NR1I2: variants seen among roughly 807,000 people sequenced by gnomAD.
NR1I2 encodes the protein orphan nuclear receptor PAR1.
Under a neutral mutation model 43.3 loss-of-function variants are expected in NR1I2, and 42 were observed. The observed-to-expected ratio is 0.97, with a 90% CI of 0.76 to 1.26. NR1I2 has a LOEUF of 1.26. NR1I2 is among the 50% of genes most tolerant of loss of function. The probability of loss-of-function intolerance (pLI) is 0.00; values close to 1 mark genes in which losing one functional copy is unlikely to be tolerated. For missense variants in NR1I2, 559 were observed against 566.7 expected (o/e 0.99, Z 0.14); for synonymous variants, 229 against 215.0 (o/e 1.06, Z -0.57).
intron 2 of NR1I2, among the ~76,000 whole-genome samples, chr3:119,809,429 G>T (rs536800799): frequency 6.6e-6 from 1 of 151,926 alleles, no homozygotes; most frequent in African/African-American, 2.4e-5. Flanking sequence ...TCAACGAGGG[G>T]AATCCACTCT....
chr3:119,786,612 A>G (rs1362118829), intron 1 of NR1I2, among the ~76,000 whole-genome samples: 2 of 152,208 alleles, frequency 1.3e-5, no homozygotes, highest in East Asian at 1.9e-4. Context: ...CCTGTTAAAT[A>G]TTGGAAGAGG....
At chr3:119,816,080 C>CCA (rs1288911187) in intron 8 of NR1I2, among the ~76,000 whole-genome samples, 1 of 152,246 alleles carries the variant, frequency 6.6e-6, no homozygotes, top group African/African-American at 2.4e-5. Flanking sequence ...GACCTACTGC[C>CCA]CAGACTGATG....
chr3:119,815,908 A>G (rs966449307), intron 8 of NR1I2, 77 bp downstream of exon 8: 14 of 1,247,300 alleles, frequency 1.1e-5, no homozygotes, highest in Admixed American at 2.0e-5. Flanking sequence ...CCAAGACTTC[A>G]TGGCCAGAGG....
At chr3:119,794,947 GTAAAT>G (rs1365253022) in intron 1 of NR1I2, among the ~76,000 whole-genome samples, 5 of 152,210 alleles carry the variant, frequency 3.3e-5, no homozygotes, top group African/African-American at 4.8e-5. Flanking sequence ...CTCAAAATAA[GTAAAT>G]TAAATTAAAT....
chr3:119,799,333 T>C (rs2055044656), intron 1 of NR1I2, among the ~76,000 whole-genome samples: 1 of 152,246 alleles, frequency 6.6e-6, no homozygotes, highest in Admixed American at 6.5e-5. Context: ...ATAGCTTCTT[T>C]GGTGAAATAT....
intron 1 of NR1I2, among the ~76,000 whole-genome samples, chr3:119,796,950 A>G (rs1437583900): frequency 6.6e-6 from 1 of 152,216 alleles, no homozygotes; most frequent in Admixed American, 6.5e-5. Flanking sequence ...ATCAGTGGCA[A>G]GGGCTAGGAC....
intron 1 of NR1I2, among the ~76,000 whole-genome samples, chr3:119,790,110 GCAAC>G (rs1487047222): frequency 3.3e-5 from 5 of 152,020 alleles, no homozygotes; most frequent in Admixed American, 2.0e-4. Context: ...ACAGCCCCTG[GCAAC>G]CACCATTCTA....
At chr3:119,792,298 C>T (rs1348643075) in intron 1 of NR1I2, 2 of 1,465,934 alleles carry the variant, frequency 1.4e-6, no homozygotes, top group East Asian at 2.3e-5. Context: ...CGAGCAGCCA[C>T]CTTTGGGCTC....
intron 4 of NR1I2, 88 bp from the exon 5 acceptor site, chr3:119,812,598 G>A (rs2055259420): frequency 6.7e-7 from 1 of 1,496,380 alleles, no homozygotes; most frequent in Non-Finnish European, 9.3e-7. Flanking sequence ...AACTGTGGCT[G>A]TGCATGTTTG....
chr3:119,800,863 TAGGAAAAA>T (rs2055070342), intron 1 of NR1I2, among the ~76,000 whole-genome samples: 1 of 152,188 alleles, frequency 6.6e-6, no homozygotes, highest in African/African-American at 2.4e-5. Flanking sequence ...GTGAACCACC[TAGGAAAAA>T]GTTTGCAGGC....
rs2055347140 is a variant in NR1I2, at chr3:119,817,477, G to A, written c.*265G>A. The A allele has an allele frequency of 1.5e-6, 2 of 1,337,206 alleles. No homozygotes were observed. Among genetic ancestry groups the A allele is most frequent in the African/African-American group, 1.5e-5 (1 of 67,370 alleles). 82.8% of individuals were successfully genotyped at this position (1,337,206 alleles called of 1,614,324 possible). ...TGACCTGTAGGTCAGGACCATCAGA[G>A]AGGCAAGGTTGCCCTTTCCTTTTAA... On this transcript the variant is annotated 3_prime_UTR_variant, in exon 9 of 9. Transcript: ENST00000393716.
chr3:119,794,514 G>C (rs1288299240), intron 1 of NR1I2, among the ~76,000 whole-genome samples: 2 of 144,176 alleles, frequency 1.4e-5, no homozygotes, highest in East Asian at 4.2e-4. Flanking sequence ...TTTTTTAAGA[G>C]ATAGGGTCTT....
At chr3:119,806,082 C>T (rs928871439) in intron 1 of NR1I2, among the ~76,000 whole-genome samples, 5 of 152,142 alleles carry the variant, frequency 3.3e-5, no homozygotes, top group African/African-American at 4.8e-5. Context: ...ACTAAAGTTT[C>T]GATTTTGGCA....
chr3:119,802,097 G>A (rs571352413), intron 1 of NR1I2, among the ~76,000 whole-genome samples: 1 of 152,134 alleles, frequency 6.6e-6, no homozygotes, highest in Non-Finnish European at 1.5e-5. Flanking sequence ...ATGGGAGGGG[G>A]CTGCACAAGG....
At chr3:119,810,013 G>A in intron 2 of NR1I2, 48 bp from the exon 3 acceptor site, 1 of 1,612,662 alleles carries the variant, frequency 6.2e-7, no homozygotes, top group Non-Finnish European at 8.5e-7. Context: ...CCAGGCCGAG[G>A]GCCCGGGCAC....
chr3:119,805,944 A>AT (rs2055153672), intron 1 of NR1I2, among the ~76,000 whole-genome samples: 1 of 152,036 alleles, frequency 6.6e-6, no homozygotes, highest in Non-Finnish European at 1.5e-5. Context: ...CAGTCAATGT[A>AT]TTTTATTCAC....
At chr3:119,810,491 C>G (rs1170448411) in intron 3 of NR1I2, 2 of 469,332 alleles carry the variant, frequency 4.3e-6, no homozygotes, top group South Asian at 3.0e-5. Flanking sequence ...CTTTTTGTCC[C>G]CTTCATAATT....
At chr3:119,810,635 T>G in intron 3 of NR1I2, 1 of 184,992 alleles carries the variant, frequency 5.4e-6, no homozygotes, top group Non-Finnish European at 1.1e-5. Context: ...TGGATCTTTA[T>G]AGGGGAACTG....
rs2055349081 is a variant in NR1I2 at position 119,817,655 on chromosome 3, G to T, written c.*443G>T. The T allele has an allele frequency of 2.0e-5, 22 of 1,125,054 alleles. 1 individual carries two copies. In the South Asian group the frequency reaches 4.4e-4, roughly 23 times the overall value. 69.7% of individuals were successfully genotyped at this position (1,125,054 alleles called of 1,614,324 possible). A position where few individuals can be genotyped will look rare whatever the true frequency, so the allele number is the denominator to read the frequency against. On this transcript the variant is annotated 3_prime_UTR_variant, in exon 9 of 9. Coordinates refer to ENST00000393716, the MANE Select transcript of NR1I2 (RefSeq NM_003889.4). ...AGTCTTTTCATTGCTACCTCTAATAGTCCTGTCTCCCACTTCCCACTCGTT... is the reference window on the plus strand; with the variant it reads ...AGTCTTTTCATTGCTACCTCTAATATTCCTGTCTCCCACTTCCCACTCGTT...
Sources: allele counts gnomAD v4.1 joint callset (sites outside exome capture counted in the v4.1 genomes callset), GRCh38; gene constraint gnomAD v4.1.1; transcripts MANE v1.5; gene names NCBI Gene and HGNC (gene_info 2026-07-23, HGNC 2026-07-21).